Variants in BDH1 observed in about 807,000 individuals in gnomAD.
BDH1 encodes D-beta-hydroxybutyrate dehydrogenase, mitochondrial.
In BDH1, 30 loss-of-function variants were observed where a neutral mutation model predicts 33.1. The observed-to-expected ratio is 0.91, with a 90% CI of 0.68 to 1.23. The LOEUF (loss-of-function observed/expected upper bound fraction) is 1.23, where lower values mean the gene tolerates loss of function less well. Among genes scored for constraint, BDH1 ranks in the 50% most tolerant of loss-of-function variants. The pLI is 0.00. For missense variants in BDH1, 443 were observed against 464.4 expected (o/e 0.95, Z 0.42); for synonymous variants, 190 against 183.6 (o/e 1.03, Z -0.28).
intron 5 of BDH1, among the ~76,000 whole-genome samples, chr3:197,531,710 C>T (rs1275495724): frequency 1.3e-5 from 2 of 152,066 alleles, no homozygotes; most frequent in Admixed American, 1.3e-4. Flanking sequence ...TGCCAATGGT[C>T]AAGAGAGAGA....
At position 197,519,221 on chromosome 3, in the gene BDH1, GCTTGTGTTGAAATTCT is replaced by G. The variant is rs1301400957; in HGVS notation, c.409+3403_409+3418del. Among the ~76,000 whole-genome samples, 9 of 152,038 alleles carry G rather than the reference GCTTGTGTTGAAATTCT, an allele frequency of 5.9e-5. No individual in the cohort carries two copies. The East Asian group carries it at 1.5e-3, about 26-fold the overall frequency. On this transcript the variant is annotated intron_variant, in intron 6 of 7. Coordinates refer to ENST00000392379, the MANE Select transcript of BDH1 (RefSeq NM_203314.3). ...TCTGCTGCCTGTCAGCCTGCGAGCA[GCTTGTGTTGAAATTCT>G]TCCCATGCTCTTGTAGTGGTCTGAT...
At chr3:197,538,821 G>A (rs906432698) in intron 3 of BDH1, 1 of 168,856 alleles carries the variant, frequency 5.9e-6, no homozygotes, top group African/African-American at 2.4e-5. Flanking sequence ...TGCCACAGAG[G>A]AGTCTGGATT....
intron 3 of BDH1, among the ~76,000 whole-genome samples, chr3:197,535,071 C>T (rs915674652): frequency 6.6e-6 from 1 of 152,162 alleles, no homozygotes; most frequent in Non-Finnish European, 1.5e-5. Context: ...TATAAAGACA[C>T]TAATCCCATC....
upstream of BDH1, among the ~76,000 whole-genome samples, chr3:197,556,660 G>A (rs761812051): frequency 2.0e-5 from 3 of 152,060 alleles, no homozygotes; most frequent in Non-Finnish European, 2.9e-5. Context: ...AGAGTGCTCC[G>A]TCTCACAAAA....
At position 197,510,697 on chromosome 3, in the gene BDH1, G is replaced by GTGTGTGTACA. The variant is rs1711920680; in HGVS notation, c.*1197_*1198insTGTACACACA. 1 of 101,674 alleles carries GTGTGTGTACA rather than the reference G, an allele frequency of 9.8e-6. No homozygotes were observed. Among genetic ancestry groups the GTGTGTGTACA allele is most frequent in the Non-Finnish European group, 2.1e-5 (1 of 48,772 alleles). The allele number at this position is 101,674 out of a possible 1,614,324, so 6.3% of individuals were successfully genotyped here. On this transcript the variant is annotated 3_prime_UTR_variant, in exon 8 of 8. Transcript: ENST00000392379. ...ACATGTGTGTAAGGTGTGTGTGTGT[G>GTGTGTGTACA]TGTGTGTGTGTGTGTGTGTGTACAT...
At position 197,523,799 on chromosome 3, in the gene BDH1, G is replaced by A. The variant is rs1713810020; in HGVS notation, c.268-1018C>T. Among the ~76,000 whole-genome samples, 1 of 152,148 alleles carries A rather than the reference G, an allele frequency of 6.6e-6. No homozygotes were observed. The highest frequency in any genetic ancestry group is 1.5e-5 in the Non-Finnish European group (1 of 68,018). ...ACCTTCCAAAGGCAGTGACAGCTGA[G>A]GACATTCACAAGAGGGGGCCGATGG... On this transcript the variant is annotated intron_variant, in intron 5 of 7. Transcript: ENST00000392379. The surrounding 1 kb of genome is among the most constrained non-coding windows in gnomAD (Gnocchi z 4.5).
At chr3:197,567,300 G>A (rs111725216) in intron 1 of BDH1, among the ~76,000 whole-genome samples, 6 of 152,308 alleles carry the variant, frequency 3.9e-5, no homozygotes, top group African/African-American at 1.4e-4. Flanking sequence ...AAATCACTAA[G>A]CTAAGGGAAG....
rs1272417862 is a variant in BDH1, at chr3:197,522,666, C to T, written c.383G>A (p.Arg128His). 6.8e-6 allele frequency: 11 copies of T among 1,614,032 alleles called. No homozygotes were observed. In the African/African-American group the frequency reaches 9.3e-5, roughly 14 times the overall value. ...EEVEKVVEIVRSSLKDPEKGM... is the reference protein window; with the variant it reads ...EEVEKVVEIVHSSLKDPEKGM... ...TTTCTCAGGGTCCTTCAGGCTCGAG[C>T]GGACAATCTCCACCACTTTCTCCAC... Residue 128 changes from arginine (R) to histidine (H), a missense_variant, in exon 6 of 8, where the codon CGC becomes CAC. By Grantham distance (29) the Arg-to-His change is conservative (BLOSUM62 0). Coordinates refer to ENST00000392379, the MANE Select transcript of BDH1 (RefSeq NM_203314.3). The surrounding 1 kb of genome is among the most constrained non-coding windows in gnomAD (Gnocchi z 4.8).
chr3:197,516,284 G>T lies in BDH1; in HGVS notation c.410-1868C>A, dbSNP rs1712714248. Among the ~76,000 whole-genome samples, 1 of 152,134 alleles carries T rather than the reference G, an allele frequency of 6.6e-6. No individual in the cohort carries two copies. The highest frequency in any genetic ancestry group is 1.5e-5 in the Non-Finnish European group (1 of 68,020). On this transcript the variant is annotated intron_variant, in intron 6 of 7. Coordinates refer to ENST00000392379, the MANE Select transcript of BDH1 (RefSeq NM_203314.3). This position sits in a 1 kb window ranked among gnomAD's most constrained non-coding sequence, Gnocchi z 4.2. ...TGAATTTTGCAGCCGTTTTGTGTTT[G>T]ATTCATAACGGACAATATCCCATGA...
At chr3:197,542,487 CT>C in intron 3 of BDH1, among the ~76,000 whole-genome samples, 1 of 150,356 alleles carries the variant, frequency 6.7e-6, no homozygotes, top group Admixed American at 6.6e-5. Context: ...ACAAGTTAAG[CT>C]CGAGATGGTC....
chr3:197,522,514 G>T lies in BDH1; in HGVS notation c.409+126C>A. 1.6e-6 allele frequency: 2 copies of T among 1,243,608 alleles called. No individual in the cohort carries two copies. The highest frequency in any genetic ancestry group is 2.3e-6 in the Non-Finnish European group (2 of 882,912). 77.0% of individuals were successfully genotyped at this position (1,243,608 alleles called of 1,614,324 possible). A position where few individuals can be genotyped will look rare whatever the true frequency, so the allele number is the denominator to read the frequency against. Reference sequence around the variant, plus strand: ...ATCCTCTTCCTCCTACTGTGCAGGAGGAAGAGCCTAAACAATAAGGAAGGG... The same window carrying T: ...ATCCTCTTCCTCCTACTGTGCAGGATGAAGAGCCTAAACAATAAGGAAGGG... On this transcript the variant is annotated intron_variant, in intron 6 of 7. Coordinates refer to ENST00000392379, the MANE Select transcript of BDH1 (RefSeq NM_203314.3). This position sits in a 1 kb window ranked among gnomAD's most constrained non-coding sequence, Gnocchi z 4.8.
chr3:197,546,623 GTAGTCC>G, intron 2 of BDH1, 137 bp from the exon 3 acceptor site: 1 of 594,802 alleles, frequency 1.7e-6, no homozygotes, highest in Non-Finnish European at 3.0e-6. Context: ...GTACCACCAG[GTAGTCC>G]ACTCTGGTTC....
In BDH1 at chr3:197,528,688, G is replaced by C; in HGVS notation, c.267+3724C>G. 1 of 152,212 alleles carries C rather than the reference G, an allele frequency of 6.6e-6. No individual in the cohort carries two copies. Among genetic ancestry groups the C allele is most frequent in the East Asian group, 1.9e-4 (1 of 5,194 alleles). 9.4% of individuals were successfully genotyped at this position (152,212 alleles called of 1,614,324 possible). On this transcript the variant is annotated intron_variant, in intron 5 of 7. Coordinates refer to ENST00000392379, the MANE Select transcript of BDH1 (RefSeq NM_203314.3). This position sits in a 1 kb window ranked among gnomAD's most constrained non-coding sequence, Gnocchi z 5.1. ...ACAGATATAACCTGCCAATGAGCTTGTCTGGTACTTTCTTCAAAATACCAG... is the reference window on the plus strand; with the variant it reads ...ACAGATATAACCTGCCAATGAGCTTCTCTGGTACTTTCTTCAAAATACCAG...
At chr3:197,529,553 A>G (rs1353229740) in intron 5 of BDH1, 5 of 152,270 alleles carry the variant, frequency 3.3e-5, no homozygotes, top group African/African-American at 9.6e-5. Context: ...CAAATAATGT[A>G]TACACCTGCA....
At chr3:197,556,814 C>T (rs1342543166), upstream of BDH1, among the ~76,000 whole-genome samples, 7 of 152,264 alleles carry the variant, frequency 4.6e-5, no homozygotes, top group East Asian at 1.3e-3. Flanking sequence ...TGCGCTATCG[C>T]CCTGCGCCAG....
chr3:197,571,465 T>A (rs1001926886), intron 1 of BDH1, among the ~76,000 whole-genome samples: 6 of 152,212 alleles, frequency 3.9e-5, no homozygotes, highest in African/African-American at 1.2e-4. Flanking sequence ...TTCCCATGTG[T>A]TGTGGAAGGG....
intron 2 of BDH1, among the ~76,000 whole-genome samples, chr3:197,549,975 T>TTATATATATA (rs71623361): frequency 1.4e-5 from 2 of 146,890 alleles, no homozygotes; most frequent in Non-Finnish European, 3.0e-5. Context: ...CAAATAACTA[T>TTATATATATA]TATATATATA....
chr3:197,567,545 A>G (rs1050857323), intron 1 of BDH1, among the ~76,000 whole-genome samples: 1 of 152,160 alleles, frequency 6.6e-6, no homozygotes, highest in Non-Finnish European at 1.5e-5. Context: ...CATTTTACAT[A>G]TGTTGATTGC....
intron 5 of BDH1, among the ~76,000 whole-genome samples, chr3:197,524,334 C>T (rs530314440): frequency 2.6e-5 from 4 of 152,316 alleles, no homozygotes; most frequent in Admixed American, 6.5e-5. Context: ...ACATCCCAGG[C>T]GCGGGCAAGG....
Sources: allele counts gnomAD v4.1 joint callset (sites outside exome capture counted in the v4.1 genomes callset), GRCh38; gene constraint gnomAD v4.1.1; non-coding constraint Gnocchi (gnomAD v3.1); transcripts MANE v1.5; gene names NCBI Gene and HGNC (gene_info 2026-07-23, HGNC 2026-07-21).